WWOX: variants seen among roughly 807,000 people sequenced by gnomAD.
WWOX encodes the protein WW domain-containing oxidoreductase.
WWOX carries 69 observed loss-of-function variants against 46.2 expected under a neutral mutation model. The ratio of observed to expected loss-of-function variants is 1.49; its 90% CI spans 1.23 to 1.82. The LOEUF is 1.82. WWOX is among the 40% of genes most tolerant of loss of function. WWOX has a pLI of 0.00. For synonymous variants in WWOX, 359 were observed against 202.6 expected (o/e 1.77, Z -6.56); for missense variants, 919 against 542.6 (o/e 1.69, Z -6.89).
At chr16:78,643,473 A>T (rs1109357) in intron 8 of WWOX, among the ~76,000 whole-genome samples, 2,698 of 152,228 alleles carry the variant, frequency 0.018, 46 homozygotes, top group Non-Finnish European at 0.023. Flanking sequence ...GTCACCCATG[A>T]GTAGCAATTA....
chr16:78,768,983 G>T (rs1002585092), intron 8 of WWOX, among the ~76,000 whole-genome samples: 1 of 152,210 alleles, frequency 6.6e-6, no homozygotes, highest in Non-Finnish European at 1.5e-5. Flanking sequence ...ACCAGAAGGT[G>T]TGGTTCAAAG....
chr16:78,529,226 A>G (rs1478533159), intron 8 of WWOX, among the ~76,000 whole-genome samples: 2 of 152,106 alleles, frequency 1.3e-5, no homozygotes, highest in African/African-American at 2.4e-5. Flanking sequence ...AAATGCCGAG[A>G]TTATGGGTAT....
chr16:78,860,691 T>A (rs1567609601), intron 8 of WWOX, among the ~76,000 whole-genome samples: 1 of 152,218 alleles, frequency 6.6e-6, no homozygotes, highest in African/African-American at 2.4e-5. Flanking sequence ...GTTCTTCCTG[T>A]TAGCAGTGCC....
chr16:78,191,079 A>G (rs2035868441), intron 5 of WWOX, among the ~76,000 whole-genome samples: 1 of 152,154 alleles, frequency 6.6e-6, no homozygotes, highest in Non-Finnish European at 1.5e-5. Context: ...CCCTCTTTCC[A>G]ACCGCAGTGT....
At chr16:78,747,017 C>A (rs900937225) in intron 8 of WWOX, among the ~76,000 whole-genome samples, 2 of 152,042 alleles carry the variant, frequency 1.3e-5, no homozygotes, top group African/African-American at 2.4e-5. Flanking sequence ...TCCTGCCTGC[C>A]TCTCAGTTTA....
chr16:78,680,934 G>C (rs1160571473), intron 8 of WWOX, among the ~76,000 whole-genome samples: 1 of 152,020 alleles, frequency 6.6e-6, no homozygotes, highest in South Asian at 2.1e-4. Context: ...AACATAGTGA[G>C]ACCCTCTGTC....
intron 8 of WWOX, among the ~76,000 whole-genome samples, chr16:79,123,223 A>G (rs542084344): frequency 3.9e-5 from 6 of 152,132 alleles, no homozygotes; most frequent in Non-Finnish European, 8.8e-5. Flanking sequence ...TGAATAAAGC[A>G]TGATGGCAAT....
intron 8 of WWOX, among the ~76,000 whole-genome samples, chr16:78,512,792 C>T (rs1273357786): frequency 6.6e-6 from 1 of 152,192 alleles, no homozygotes; most frequent in Non-Finnish European, 1.5e-5. Context: ...GTTACTGTTG[C>T]ATTGCTTTGA....
intron 5 of WWOX, among the ~76,000 whole-genome samples, chr16:78,335,813 T>C (rs994368122): frequency 6.6e-6 from 1 of 152,134 alleles, no homozygotes; most frequent in African/African-American, 2.4e-5. Context: ...AGGTACTAGC[T>C]GAGCATGATG....
At chr16:78,755,410 C>G (rs990529812) in intron 8 of WWOX, among the ~76,000 whole-genome samples, 4 of 152,052 alleles carry the variant, frequency 2.6e-5, no homozygotes, top group African/African-American at 9.7e-5. Context: ...TTCCCCTGGA[C>G]CATGATATTA....
intron 3 of WWOX, among the ~76,000 whole-genome samples, chr16:78,114,567 T>C (rs1597217184): frequency 6.6e-6 from 1 of 152,188 alleles, no homozygotes; most frequent in East Asian, 1.9e-4. Context: ...AGTTTTCTAC[T>C]TCTCTACGTC....
chr16:78,504,048 A>C (rs1430382121), intron 8 of WWOX, among the ~76,000 whole-genome samples: 3 of 152,140 alleles, frequency 2.0e-5, no homozygotes, highest in Non-Finnish European at 4.4e-5. Context: ...AGTCAGGGGG[A>C]AAAAAGTGCT....
At chr16:78,540,464 C>T (rs1215209440) in intron 8 of WWOX, among the ~76,000 whole-genome samples, 1 of 152,120 alleles carries the variant, frequency 6.6e-6, no homozygotes, top group Admixed American at 6.5e-5. Context: ...ATTACTAGTA[C>T]TCAGGAAATC....
chr16:78,334,401 G>A (rs562764158), intron 5 of WWOX, among the ~76,000 whole-genome samples: 8 of 152,178 alleles, frequency 5.3e-5, no homozygotes, highest in Admixed American at 2.0e-4. Flanking sequence ...TAACAACAGC[G>A]AACAACAAAT....
At chr16:78,972,696 C>T (rs2046495731) in intron 8 of WWOX, among the ~76,000 whole-genome samples, 1 of 152,192 alleles carries the variant, frequency 6.6e-6, no homozygotes, top group African/African-American at 2.4e-5. Flanking sequence ...GCTCAGCTGC[C>T]TTCTCCTCCC....
chr16:78,921,931 T>A (rs1042112846), intron 8 of WWOX, among the ~76,000 whole-genome samples: 1 of 152,190 alleles, frequency 6.6e-6, no homozygotes, highest in Non-Finnish European at 1.5e-5. Context: ...GGATACAGGT[T>A]AAAATTAGAT....
chr16:79,038,457 G>C (rs2047909977), intron 8 of WWOX, among the ~76,000 whole-genome samples: 1 of 152,086 alleles, frequency 6.6e-6, no homozygotes, highest in South Asian at 2.1e-4. Flanking sequence ...AGAAAAAAAA[G>C]ACTGGAAGGA....
chr16:78,922,277 G>C (rs1305638280), intron 8 of WWOX, among the ~76,000 whole-genome samples: 1 of 152,052 alleles, frequency 6.6e-6, no homozygotes, highest in Non-Finnish European at 1.5e-5. Flanking sequence ...GTGTAGTTAG[G>C]CCCCATCCTA....
chr16:78,210,155 G>A (rs928364007), intron 5 of WWOX, among the ~76,000 whole-genome samples: 1 of 152,152 alleles, frequency 6.6e-6, no homozygotes, highest in African/African-American at 2.4e-5. Context: ...AAGGGTGATA[G>A]GTTTATTTAT....
Sources: gnomAD v4.1 joint callset for allele counts (sites outside exome capture counted in the v4.1 genomes callset) on GRCh38, gnomAD v4.1.1 for gene constraint, MANE v1.5 for transcripts, NCBI Gene and HGNC (gene_info 2026-07-23, HGNC 2026-07-21) for gene names.